The following MLLT10 variants were observed in gnomAD, a reference collection of about 807,000 sequenced individuals.
MLLT10 encodes the protein protein AF-10.
MLLT10 carries 30 observed loss-of-function variants against 129.1 expected under a neutral mutation model. That is an observed-to-expected ratio of 0.23 (90% CI 0.17 to 0.32). MLLT10 has a LOEUF of 0.32. Ranked by LOEUF, MLLT10 falls within the 10% of genes least tolerant of loss-of-function variation. The probability of loss-of-function intolerance (pLI) is 1.00; values close to 1 mark genes in which losing one functional copy is unlikely to be tolerated. For synonymous variants in MLLT10, 490 were observed against 446.4 expected (o/e 1.10, Z -1.23); for missense variants, 1,119 against 1,268.3 (o/e 0.88, Z 1.79).
intron 2 of MLLT10, among the ~76,000 whole-genome samples, chr10:21,535,516 G>A (rs1213826091): frequency 2.0e-5 from 3 of 152,188 alleles, no homozygotes; most frequent in Non-Finnish European, 2.9e-5. Flanking sequence ...CTGAAGAGGT[G>A]GCGGTGCCAA....
At chr10:21,730,010 T>C (rs1452111345) in intron 16 of MLLT10, among the ~76,000 whole-genome samples, 1 of 152,012 alleles carries the variant, frequency 6.6e-6, no homozygotes, top group African/African-American at 2.4e-5. Context: ...ATGCCTATAA[T>C]CCCAGCAGTT....
At position 21,733,567 on chromosome 10, in the gene MLLT10, A is replaced by T; in HGVS notation, c.2471A>T (p.Asp824Val). The T allele has an allele frequency of 1.3e-6, 2 of 1,575,146 alleles. No homozygotes were observed. The highest frequency in any genetic ancestry group is 1.7e-6 in the Non-Finnish European group (2 of 1,164,662). The change falls in exon 19 of 23, where the codon GAT (aspartate) becomes GTT (valine). Residue 824 changes from aspartate (D) to valine (V), a missense_variant. Asp to Val is a radical substitution (Grantham distance 152, BLOSUM62 -3). This residue lies in a region of MLLT10 where 1,004 missense variants were observed against 1,008.7 expected (regional missense o/e 1.00). Transcript: ENST00000307729. ...SPHIGNSFLP[D>V]NSLPVLNQDL... ...CATATAGGAAACAGCTTTTTACCTG[A>T]TAATTCTCTTCCTGTATTAAATCAG...
chr10:21,632,897 C>T (rs2047130256), intron 8 of MLLT10, among the ~76,000 whole-genome samples: 2 of 152,016 alleles, frequency 1.3e-5, no homozygotes, highest in African/African-American at 4.8e-5. Flanking sequence ...TATGACACAG[C>T]AGTATTATAA....
chr10:21,638,788 A>G (rs1437827725), intron 8 of MLLT10, among the ~76,000 whole-genome samples: 3 of 152,152 alleles, frequency 2.0e-5, no homozygotes, highest in Non-Finnish European at 4.4e-5. Flanking sequence ...TTCTTAAAGC[A>G]CTGAGGTCAC....
At chr10:21,730,297 A>G (rs2057856136) in intron 16 of MLLT10, among the ~76,000 whole-genome samples, 1 of 115,328 alleles carries the variant, frequency 8.7e-6, no homozygotes, top group East Asian at 2.5e-4. Flanking sequence ...GTGAGACCCT[A>G]TCTCCAAAAA....
Position 21,743,417 on chromosome 10 carries a change from ATAT to A in MLLT10, c.*1435_*1437del, listed in dbSNP as rs1833911976. The A allele has an allele frequency of 1.0e-5, 2 of 197,690 alleles. No homozygotes were observed. Among genetic ancestry groups the A allele is most frequent in the Non-Finnish European group, 2.1e-5 (2 of 95,326 alleles). The allele number at this position is 197,690 out of a possible 1,614,324, so 12.2% of individuals were successfully genotyped here. On this transcript the variant is annotated 3_prime_UTR_variant, in exon 23 of 23. Coordinates refer to ENST00000307729, the MANE Select transcript of MLLT10 (RefSeq NM_001195626.3). ...TGAAAAGTAAAATTAATTTATTTTT[ATAT>A]GTTCAGGGGAATTTTAAAGTCAAAT...
intron 14 of MLLT10, 25 bp downstream of exon 14, chr10:21,713,975 C>A: frequency 6.3e-7 from 1 of 1,585,276 alleles, no homozygotes; most frequent in African/African-American, 1.4e-5. Flanking sequence ...TATCATGTGA[C>A]AGGTAATAGG....
intron 3 of MLLT10, among the ~76,000 whole-genome samples, chr10:21,579,378 T>A (rs1055801342): frequency 2.6e-5 from 4 of 152,150 alleles, no homozygotes; most frequent in African/African-American, 7.2e-5. Context: ...TTTTTCAAAT[T>A]GAAGAAATTT....
chr10:21,572,426 T>C (rs1224108009), intron 3 of MLLT10, among the ~76,000 whole-genome samples: 1 of 152,228 alleles, frequency 6.6e-6, no homozygotes, highest in Non-Finnish European at 1.5e-5. Flanking sequence ...CAAGAAAGGC[T>C]GATGGGATCA....
At chr10:21,536,951 T>G (rs1015709636) in intron 2 of MLLT10, among the ~76,000 whole-genome samples, 8 of 151,922 alleles carry the variant, frequency 5.3e-5, no homozygotes, top group Admixed American at 1.3e-4. Context: ...GCCCTGCTAA[T>G]TTTTGTATTT....
At chr10:21,683,047 A>G (rs1665101175) in intron 13 of MLLT10, among the ~76,000 whole-genome samples, 1 of 152,138 alleles carries the variant, frequency 6.6e-6, no homozygotes, top group African/African-American at 2.4e-5. Context: ...ATTTTCATTA[A>G]CTTCATGAAA....
rs564118640 is a variant in MLLT10, at chr10:21,678,514, C to T, written c.1622-2818C>T. ...ATTGTACTTTGAAGTAGGCAGAAGA[C>T]GAAGGCCAATATTACCTGAAAAGAA... On this transcript the variant is annotated intron_variant, in intron 11 of 22. Transcript: ENST00000307729. 4.9e-4 allele frequency among the ~76,000 whole-genome samples: 75 copies of T among 152,156 alleles called. No individual in the cohort carries two copies. The Middle Eastern group carries it at 0.01, about 21-fold the overall frequency.
rs576717311 is a variant in MLLT10 at position 21,639,259 on chromosome 10, C to A, written c.700-12414C>A. ...CCCACCAAGCAAGCTGTCAGTTTTG[C>A]AGCAGACATCATCTGCGTTTGGACA... On this transcript the variant is annotated intron_variant, in intron 8 of 22. Transcript: ENST00000307729. Among the ~76,000 whole-genome samples, 4 of 152,328 alleles carry A rather than the reference C, an allele frequency of 2.6e-5. No individual in the cohort carries two copies. In the South Asian group the frequency reaches 8.3e-4, roughly 32 times the overall value.
intron 13 of MLLT10, among the ~76,000 whole-genome samples, chr10:21,699,573 A>T (rs1169301276): frequency 6.6e-6 from 1 of 152,000 alleles, no homozygotes; most frequent in Admixed American, 6.6e-5. Context: ...AATGGGGTAC[A>T]GTTCTATTCT....
chr10:21,568,835 C>T (rs1012475018), intron 3 of MLLT10, among the ~76,000 whole-genome samples: 4 of 152,096 alleles, frequency 2.6e-5, no homozygotes, highest in Non-Finnish European at 4.4e-5. Flanking sequence ...GGGGTTTCAC[C>T]GTCTTGGTCA....
At chr10:21,599,740 A>T (rs2043344757) in intron 5 of MLLT10, among the ~76,000 whole-genome samples, 1 of 151,444 alleles carries the variant, frequency 6.6e-6, no homozygotes, top group Non-Finnish European at 1.5e-5. Context: ...AGTTTTTTGT[A>T]TTTTTTTTGT....
At chr10:21,659,498 T>C (rs957728259) in intron 9 of MLLT10, among the ~76,000 whole-genome samples, 1 of 151,962 alleles carries the variant, frequency 6.6e-6, no homozygotes. Flanking sequence ...TACTTTGCTC[T>C]TCTTACTCTT....
At chr10:21,663,697 T>C (rs1468675081) in intron 9 of MLLT10, among the ~76,000 whole-genome samples, 1 of 152,178 alleles carries the variant, frequency 6.6e-6, no homozygotes, top group African/African-American at 2.4e-5. Context: ...CCCGAATAGC[T>C]GGGACTACAG....
chr10:21,557,936 C>CTTTTTTTTTTCTTTTTTTTTTTTT (rs1564406656), intron 3 of MLLT10: 1 of 126,652 alleles, frequency 7.9e-6, no homozygotes. Context: ...TATTATTTTT[C>CTTTTTTTTTTCTTTTTTTTTTTTT]TTTTTTTTTT....
Sources: allele counts gnomAD v4.1 joint callset (sites outside exome capture counted in the v4.1 genomes callset), GRCh38; gene constraint gnomAD v4.1.1; regional missense constraint gnomAD v4.1.1; transcripts MANE v1.5; gene names NCBI Gene and HGNC (gene_info 2026-07-23, HGNC 2026-07-21).